DCUN1D4: variants seen among roughly 807,000 people sequenced by gnomAD.
DCUN1D4 encodes the protein DCN1-like protein 4.
Under a neutral mutation model 47.9 loss-of-function variants are expected in DCUN1D4, and 22 were observed. The ratio of observed to expected loss-of-function variants is 0.46; its 90% confidence interval spans 0.33 to 0.66. The LOEUF (loss-of-function observed/expected upper bound fraction) is 0.66. Among genes scored for constraint, DCUN1D4 ranks in the 30% least tolerant of loss-of-function variants. The probability of loss-of-function intolerance (pLI) is 0.02; values close to 1 mark genes in which losing one functional copy is unlikely to be tolerated. For synonymous variants in DCUN1D4, 121 were observed against 112.2 expected (o/e 1.08, Z -0.50); for missense variants, 301 against 340.8 (o/e 0.88, Z 0.92).
At chr4:51,878,343 T>C (rs1005370845) in intron 5 of DCUN1D4, among the ~76,000 whole-genome samples, 1 of 152,234 alleles carries the variant, frequency 6.6e-6, no homozygotes, top group African/African-American at 2.4e-5. Context: ...TAATATAATG[T>C]TGCGACCTGG....
intron 1 of DCUN1D4, among the ~76,000 whole-genome samples, chr4:51,850,552 G>T (rs900282100): frequency 6.6e-6 from 1 of 152,196 alleles, no homozygotes; most frequent in Non-Finnish European, 1.5e-5. Context: ...CCTAAAAATT[G>T]CCTGTTGAAG....
chr4:51,900,007 A>G (rs1030603713), intron 8 of DCUN1D4, among the ~76,000 whole-genome samples: 3 of 152,220 alleles, frequency 2.0e-5, no homozygotes, highest in East Asian at 3.8e-4. Flanking sequence ...AGTTGGCATC[A>G]TACTCAATTC....
At chr4:51,886,441 T>C in intron 5 of DCUN1D4, 127 bp from the exon 6 acceptor site, 1 of 703,782 alleles carries the variant, frequency 1.4e-6, no homozygotes, top group Non-Finnish European at 2.3e-6. Flanking sequence ...CAACTTAGAC[T>C]TGATTTTTTT....
At chr4:51,857,668 G>A (rs891202522) in intron 1 of DCUN1D4, among the ~76,000 whole-genome samples, 3 of 152,178 alleles carry the variant, frequency 2.0e-5, no homozygotes, top group African/African-American at 7.2e-5. Context: ...CATGGTCTCT[G>A]GTGCCTGTGT....
At chr4:51,846,568 A>T (rs1296333656) in intron 1 of DCUN1D4, among the ~76,000 whole-genome samples, 2 of 152,214 alleles carry the variant, frequency 1.3e-5, no homozygotes, top group African/African-American at 2.4e-5. Flanking sequence ...CTCAATCATC[A>T]TCTGCTAATT....
At chr4:51,841,969 G>A (rs1243627828), upstream of DCUN1D4, among the ~76,000 whole-genome samples, 1 of 144,948 alleles carries the variant, frequency 6.9e-6, no homozygotes, top group African/African-American at 2.6e-5. Context: ...TGAGGGTGGA[G>A]GCAGGGTAGG....
the DCUN1D4 span, among the ~76,000 whole-genome samples, chr4:51,834,087 T>TTC: frequency 4.8e-5 from 6 of 123,776 alleles, no homozygotes; most frequent in African/African-American, 1.6e-4. Flanking sequence ...TCTCTCTCTC[T>TTC]TTTCTTTTCT....
chr4:51,890,042 T>G lies in DCUN1D4; in HGVS notation c.415-1718T>G, dbSNP rs993190281. On this transcript the variant is annotated intron_variant, in intron 6 of 10. Transcript: ENST00000334635. ...GGTTCTCACTGATATTAATTTCCAG[T>G]GAGGAAAACCATAAAGTCAGCATCA... Among the ~76,000 whole-genome samples, 6 of 151,952 alleles carry G rather than the reference T, an allele frequency of 3.9e-5. No homozygotes were observed. In the East Asian group the frequency reaches 1.2e-3, roughly 30 times the overall value.
chr4:51,905,374 G>T (rs1315909039), intron 8 of DCUN1D4: 2 of 264,246 alleles, frequency 7.6e-6, no homozygotes, highest in South Asian at 7.4e-5. Context: ...CTCTCCTCCC[G>T]CTGTGGAATC....
chr4:51,862,109 G>C (rs1047376963), intron 1 of DCUN1D4, among the ~76,000 whole-genome samples: 3 of 152,208 alleles, frequency 2.0e-5, no homozygotes, highest in African/African-American at 7.2e-5. Flanking sequence ...GGGCCATTTA[G>C]AGCTTGAGGC....
intron 1 of DCUN1D4, 194 bp downstream of exon 1, chr4:51,843,461 G>T: frequency 8.1e-7 from 1 of 1,233,942 alleles, no homozygotes; most frequent in Non-Finnish European, 1.0e-6. Context: ...GGCGGGCGTG[G>T]GGGGAAGGGA....
chr4:51,911,028 T>G (rs1733645181), intron 8 of DCUN1D4, 42 bp from the exon 9 acceptor site: 1 of 1,567,246 alleles, frequency 6.4e-7, no homozygotes. Flanking sequence ...AATTTATTAT[T>G]TGGGGGCATC....
intron 5 of DCUN1D4, among the ~76,000 whole-genome samples, chr4:51,885,978 G>A (rs1182912722): frequency 6.6e-6 from 1 of 152,222 alleles, no homozygotes; most frequent in Non-Finnish European, 1.5e-5. Context: ...AAGAATTTCA[G>A]TGGAGAGCTA....
chr4:51,888,191 G>A (rs1729821232), intron 6 of DCUN1D4, among the ~76,000 whole-genome samples: 1 of 152,126 alleles, frequency 6.6e-6, no homozygotes, highest in African/African-American at 2.4e-5. Flanking sequence ...TATGACAGAG[G>A]AGTGGCAGCA....
chr4:51,842,585 C>A (rs1402162344), upstream of DCUN1D4, among the ~76,000 whole-genome samples: 2 of 152,190 alleles, frequency 1.3e-5, no homozygotes, highest in Non-Finnish European at 2.9e-5. Flanking sequence ...AAGCAGCTGA[C>A]AAGAGAAGTC....
At chr4:51,846,637 T>C (rs893349369) in intron 1 of DCUN1D4, among the ~76,000 whole-genome samples, 6 of 152,344 alleles carry the variant, frequency 3.9e-5, no homozygotes, top group Non-Finnish European at 7.3e-5. Flanking sequence ...AATCAACCTG[T>C]GAGAAACTGA....
intron 1 of DCUN1D4, chr4:51,844,396 C>A: frequency 3.1e-6 from 3 of 983,494 alleles, no homozygotes; most frequent in Non-Finnish European, 3.6e-6. Flanking sequence ...CGGCGGGAAG[C>A]GAGGTCAGCG....
Position 51,874,309 on chromosome 4 carries a change from A to C in DCUN1D4, c.175A>C (p.Lys59Gln). The part of the protein sequence containing the change: ...RSCSSSDCFN[K>Q]VMPPRKKRRP... Reference sequence around the variant, plus strand: ...TTGCAGTTCTTCAGACTGCTTTAATAAAGTGATGCCACCAAGGAAAAAGAG... The same window carrying C: ...TTGCAGTTCTTCAGACTGCTTTAATCAAGTGATGCCACCAAGGAAAAAGAG... Residue 59 changes from lysine (K) to glutamine (Q), a missense_variant, in exon 4 of 11, where the codon AAA (lysine) becomes CAA (glutamine). By Grantham distance (53) the Lys-to-Gln change is moderately conservative. Around this residue, in one of 2 missense-constraint regions of DCUN1D4, gnomAD observed 131 missense variants for 106.3 expected, o/e 1.23. Transcript: ENST00000334635. The C allele has an allele frequency of 6.2e-7, 1 of 1,613,582 alleles. No individual in the cohort carries two copies.
At position 51,915,332 on chromosome 4, in the gene DCUN1D4, A is replaced by G. The variant is rs1734229178; in HGVS notation, c.*1748A>G. 1 of 152,606 alleles carries G rather than the reference A, an allele frequency of 6.6e-6. No homozygotes were observed. The highest frequency in any genetic ancestry group is 2.4e-5 in the African/African-American group (1 of 41,462). The allele number at this position is 152,606 out of a possible 1,614,324, so 9.5% of individuals were successfully genotyped here. A position where few individuals can be genotyped will look rare whatever the true frequency, so the allele number is the denominator to read the frequency against. ...GGTTTTATTTGCTGTGAAATAAACC[A>G]GAAGTTTAAAAAACCCTGTAGTGAT... is the stretch of plus-strand genomic sequence containing the variant. On this transcript the variant is annotated 3_prime_UTR_variant, in exon 11 of 11. Transcript: ENST00000334635.
Sources: allele counts gnomAD v4.1 joint callset (sites outside exome capture counted in the v4.1 genomes callset), GRCh38; gene constraint gnomAD v4.1.1; regional missense constraint gnomAD v4.1.1; transcripts MANE v1.5; gene names NCBI Gene and HGNC (gene_info 2026-07-23, HGNC 2026-07-21).